Variants in RARS1 observed in about 807,000 individuals in gnomAD.
The protein encoded by RARS1 is arginyl-tRNA synthetase 1.
In RARS1, 75 loss-of-function variants were observed where a neutral mutation model predicts 78.7. That is an observed-to-expected ratio of 0.95 (90% CI 0.79 to 1.15). The LOEUF (loss-of-function observed/expected upper bound fraction) is 1.15, where lower values mean the gene tolerates loss of function less well. Among genes scored for constraint, RARS1 ranks in the 50% most tolerant of loss-of-function variants. RARS1 has a pLI of 0.00. For synonymous variants in RARS1, 273 were observed against 268.2 expected (o/e 1.02, Z -0.18); for missense variants, 787 against 787.5 (o/e 1.00, Z 0.01).
Position 168,488,598 on chromosome 5 carries a change from A to G in RARS1, c.46-4A>G, listed in dbSNP as rs926052636. 3.8e-6 allele frequency: 6 copies of G among 1,593,590 alleles called. No individual in the cohort carries two copies. The African/African-American group carries it at 5.5e-5, about 14-fold the overall frequency. On this transcript the variant is annotated splice_region_variant and splice_polypyrimidine_tract_variant and intron_variant, in intron 1 of 14. Coordinates refer to ENST00000231572, the MANE Select transcript of RARS1 (RefSeq NM_002887.4). Reference sequence around the variant, plus strand: ...GACTGAAAAAAGTGCTTTTTTTCCCACAGGAAGAAGAGATTAAATCTCTGA... The same window carrying G: ...GACTGAAAAAAGTGCTTTTTTTCCCGCAGGAAGAAGAGATTAAATCTCTGA...
chr5:168,504,951 A>G (rs1758407157), intron 9 of RARS1, among the ~76,000 whole-genome samples: 1 of 152,206 alleles, frequency 6.6e-6, no homozygotes, highest in Non-Finnish European at 1.5e-5. Flanking sequence ...ACACCACTGC[A>G]TGACAGAGAA....
Position 168,493,749 on chromosome 5 carries a change from GTCAT to G in RARS1, c.370-140_370-137del. ...CTTGGCACTATTGATACTTTAATCT[GTCAT>G]TCATAATGTGATTGGACTTCTCTGC... On this transcript the variant is annotated intron_variant, in intron 3 of 14. Transcript: ENST00000231572. 4.9e-6 allele frequency: 3 copies of G among 614,596 alleles called. No homozygotes were observed. The South Asian group carries it at 6.3e-5, about 13-fold the overall frequency. 38.1% of individuals were successfully genotyped at this position (614,596 alleles called of 1,614,324 possible).
At chr5:168,511,804 C>T (rs1758568544) in intron 12 of RARS1, among the ~76,000 whole-genome samples, 1 of 152,152 alleles carries the variant, frequency 6.6e-6, no homozygotes, top group Non-Finnish European at 1.5e-5. Context: ...TCTGGCATTT[C>T]AAATAAATGA....
At chr5:168,496,371 T>C (rs556131455) in intron 6 of RARS1, among the ~76,000 whole-genome samples, 186 of 102,362 alleles carry the variant, frequency 1.8e-3, no homozygotes, top group African/African-American at 7.3e-3. Flanking sequence ...AGAGCAAGAC[T>C]CTCTGTCAAA....
rs555837551 is a variant in RARS1, at chr5:168,519,108, G to A, written c.1901G>A (p.Arg634His). 12 of 1,613,626 alleles carry A rather than the reference G, an allele frequency of 7.4e-6. No homozygotes were observed. Among genetic ancestry groups the A allele is most frequent in the South Asian group, 4.4e-5 (4 of 90,918 alleles). Residue 634 changes from arginine (R) to histidine (H), a missense_variant, in exon 15 of 15, where the codon CGT (arginine) becomes CAT (histidine). Coordinates refer to ENST00000231572, the MANE Select transcript of RARS1 (RefSeq NM_002887.4). ...TGKILKVNMW[R>H]MLLCEAVAAV... The stretch of plus-strand genomic sequence containing the variant: ...AAAATATTGAAGGTGAACATGTGGC[G>A]TATGCTGCTATGTGAAGCAGTAGCT...
In RARS1 at chr5:168,519,214, G is replaced by T. The variant is rs560287617; in HGVS notation, c.*24G>T. ...AATCCTTCATAGGTTTGAACACTGT[G>T]TGTTTTTACCAAAGTGGCCATTGGC... On this transcript the variant is annotated 3_prime_UTR_variant, in exon 15 of 15. Transcript: ENST00000231572. The T allele has an allele frequency of 1.3e-6, 2 of 1,573,740 alleles. No individual in the cohort carries two copies. The highest frequency in any genetic ancestry group is 1.7e-5 in the Admixed American group (1 of 58,146).
intron 11 of RARS1, 66 bp from the exon 12 acceptor site, chr5:168,510,515 A>G (rs1758542901): frequency 7.9e-7 from 1 of 1,259,080 alleles, no homozygotes. Flanking sequence ...TCAAACCTTC[A>G]TTTTCAAAGA....
chr5:168,513,995 G>T lies in RARS1; in HGVS notation c.1453-2783G>T, dbSNP rs187031392. Among the ~76,000 whole-genome samples the T allele has an allele frequency of 3.0e-3, 458 of 152,230 alleles. 2 individuals carry two copies. Among genetic ancestry groups the T allele is most frequent in the South Asian group, 2.9e-3 (14 of 4,818 alleles). On this transcript the variant is annotated intron_variant, in intron 12 of 14. Coordinates refer to ENST00000231572, the MANE Select transcript of RARS1 (RefSeq NM_002887.4). ...AGATGACATTCCACAGAACTGGAGA[G>T]GACCAGTGGGGCTGAGGGAGGAAAT...
chr5:168,486,819 G>A lies in RARS1; in HGVS notation c.45+276G>A, dbSNP rs11134516. 0.043 allele frequency among the ~76,000 whole-genome samples: 6,542 copies of A among 152,202 alleles called. 442 individuals carry two copies. Among genetic ancestry groups the A allele is most frequent in the Admixed American group, 0.18 (2,799 of 15,284 alleles). ...TCTTCGGTGGGCTGGAGCCTGGCATGTTCAGAACAGTTCTCTCCCTACAAT... is the reference window on the plus strand; with the variant it reads ...TCTTCGGTGGGCTGGAGCCTGGCATATTCAGAACAGTTCTCTCCCTACAAT... On this transcript the variant is annotated intron_variant, in intron 1 of 14. Coordinates refer to ENST00000231572, the MANE Select transcript of RARS1 (RefSeq NM_002887.4).
intron 3 of RARS1, 95 bp downstream of exon 3, chr5:168,492,942 C>T (rs935153766): frequency 1.7e-6 from 2 of 1,164,292 alleles, no homozygotes; most frequent in African/African-American, 3.0e-5. Flanking sequence ...AAGTTGTATC[C>T]TTAGTGAAAA....
At chr5:168,496,544 G>A (rs56064173) in intron 6 of RARS1, among the ~76,000 whole-genome samples, 72 of 151,678 alleles carry the variant, frequency 4.7e-4, no homozygotes, top group Middle Eastern at 3.4e-3. Context: ...GTGCAGTGGC[G>A]CAATCCTGGC....
At chr5:168,495,468 T>G in intron 6 of RARS1, 32 bp downstream of exon 6, 1 of 1,588,698 alleles carries the variant, frequency 6.3e-7, no homozygotes, top group Non-Finnish European at 8.6e-7. Context: ...ACTATTCTCT[T>G]TCCTTATTTT....
Position 168,518,069 on chromosome 5 carries a change from G to GTGTTTT in RARS1, c.1873+8_1873+9insGTTTTT. ...GAGAAAGATAGACAGACTGGTGAGTGTCTTTTTTTTTTTTTTTTTTTTTTT... is the reference window on the plus strand; with the variant it reads ...GAGAAAGATAGACAGACTGGTGAGTGTGTTTTTCTTTTTTTTTTTTTTTTTTTTTTT... On this transcript the variant is annotated splice_region_variant and intron_variant, in intron 14 of 14. Coordinates refer to ENST00000231572, the MANE Select transcript of RARS1 (RefSeq NM_002887.4). 1.5e-6 allele frequency: 1 copy of GTGTTTT among 675,710 alleles called. No homozygotes were observed. The highest frequency in any genetic ancestry group is 8.1e-5 in the East Asian group (1 of 12,296). 41.9% of individuals were successfully genotyped at this position (675,710 alleles called of 1,614,324 possible). A position where few individuals can be genotyped will look rare whatever the true frequency, so the allele number is the denominator to read the frequency against.
chr5:168,517,951 A>ATTTTAGATGAC lies in RARS1; in HGVS notation c.1765_1775dup (p.Leu592PhefsTer2). On this transcript the variant is annotated frameshift_variant, in exon 14 of 15. Transcript: ENST00000231572. LOFTEE classifies it high-confidence loss of function. ...ACGGTTCCCTGAGATTCTGCAAAAGATTTTAGATGACTTATTTCTCCACAC... is the reference window on the plus strand; with the variant it reads ...ACGGTTCCCTGAGATTCTGCAAAAGATTTTAGATGACTTTTAGATGACTTATTTCTCCACAC... 1 of 1,613,584 alleles carries ATTTTAGATGAC rather than the reference A, an allele frequency of 6.2e-7. No individual in the cohort carries two copies. Among genetic ancestry groups the ATTTTAGATGAC allele is most frequent in the Non-Finnish European group, 8.5e-7 (1 of 1,179,912 alleles).
At chr5:168,490,998 A>G (rs1441036363) in intron 2 of RARS1, among the ~76,000 whole-genome samples, 1 of 152,070 alleles carries the variant, frequency 6.6e-6, no homozygotes, top group Admixed American at 6.6e-5. Context: ...TTAGCCAGGG[A>G]TGGTGGCATG....
In RARS1 at chr5:168,497,339, CT is replaced by C; in HGVS notation, c.817del (p.Tyr273IlefsTer22). The C allele has an allele frequency of 6.3e-7, 1 of 1,577,384 alleles. No homozygotes were observed. The highest frequency in any genetic ancestry group is 8.6e-7 in the Non-Finnish European group (1 of 1,160,200). On this transcript the variant is annotated frameshift_variant, in exon 7 of 15. Coordinates refer to ENST00000231572, the MANE Select transcript of RARS1 (RefSeq NM_002887.4). LOFTEE classifies it high-confidence loss of function. ...CACCTCCTATTGGGGATCTTCAGGT[CT>C]TTTATAAGGTTTGATACCATTTCTT... ...VSPPIGDLQV[F>X]YKESKKRFDT...
chr5:168,500,748 C>G (rs1758303251), intron 8 of RARS1, 28 bp downstream of exon 8: 1 of 1,600,582 alleles, frequency 6.2e-7, no homozygotes, highest in South Asian at 1.1e-5. Flanking sequence ...GTTCCTTCGT[C>G]CAGCAAATAC....
intron 9 of RARS1, among the ~76,000 whole-genome samples, chr5:168,502,384 A>ATATATATATATATATATTTTTTT (rs1280220276): frequency 7.9e-6 from 1 of 127,246 alleles, no homozygotes; most frequent in African/African-American, 3.2e-5. Flanking sequence ...ATATATATAT[A>ATATATATATATATATATTTTTTT]TTTTTTTTTT....
chr5:168,494,695 C>A, intron 5 of RARS1, 45 bp downstream of exon 5: 1 of 1,330,022 alleles, frequency 7.5e-7, no homozygotes, highest in Non-Finnish European at 1.1e-6. Context: ...CTTAGAACTG[C>A]GTGGAACCAA....
Sources: allele counts gnomAD v4.1 joint callset (sites outside exome capture counted in the v4.1 genomes callset), GRCh38; gene constraint gnomAD v4.1.1; transcripts MANE v1.5; gene names NCBI Gene and HGNC (gene_info 2026-07-23, HGNC 2026-07-21).